Variants in ZNF850 observed in about 807,000 individuals in gnomAD.
ZNF850 encodes the protein putative zinc finger protein ENSP00000330994.
In ZNF850, 2 loss-of-function variants were observed where a neutral mutation model predicts 11.9. The observed-to-expected ratio is 0.17, with a 90% CI of 0.07 to 0.53. ZNF850 has a LOEUF of 0.53. ZNF850 is among the 20% of genes least tolerant of loss of function. The pLI, the probability that ZNF850 is intolerant of heterozygous loss-of-function variation, is 0.94. For missense variants in ZNF850, 1,014 were observed against 1,316.4 expected (o/e 0.77, Z 3.55); for synonymous variants, 381 against 443.0 (o/e 0.86, Z 1.76).
chr19:36,769,853 A>G (rs1275461143), intron 1 of ZNF850, among the ~76,000 whole-genome samples: 1 of 152,166 alleles, frequency 6.6e-6, no homozygotes, highest in Non-Finnish European at 1.5e-5. Flanking sequence ...TTCTGACACT[A>G]TCTACCATGA....
In ZNF850 at chr19:36,747,895, C is replaced by A; in HGVS notation, c.3145G>T (p.Ala1049Ser). 6.4e-7 allele frequency: 1 copy of A among 1,568,290 alleles called. No individual in the cohort carries two copies. The highest frequency in any genetic ancestry group is 8.6e-7 in the Non-Finnish European group (1 of 1,161,872). ...CTCTGATGTCGGCTGAGTCCTGAGG[C>A]ATAGAAAAAGGCTTTCCCACATTCC... ...CPECGKAFFY[A>S]SGLSRHQSVH... Residue 1049 changes from alanine (A) to serine (S), a missense_variant, in exon 5 of 5, where the codon GCC becomes TCC. Ala to Ser is a moderately conservative substitution (Grantham distance 99). Around this residue, in one of 2 missense-constraint regions of ZNF850, gnomAD observed 179 missense variants for 294.4 expected, o/e 0.61. Coordinates refer to ENST00000591344, the MANE Select transcript of ZNF850 (RefSeq NM_001193552.2).
Position 36,765,014 on chromosome 19 carries a change from A to G in ZNF850, c.-69-2339T>C, listed in dbSNP as rs545788326. Among the ~76,000 whole-genome samples the G allele has an allele frequency of 3.3e-5, 5 of 152,112 alleles. No homozygotes were observed. In the East Asian group the frequency reaches 9.7e-4, roughly 29 times the overall value. On this transcript the variant is annotated intron_variant, in intron 1 of 4. Transcript: ENST00000591344. The stretch of plus-strand genomic sequence containing the variant: ...TCTGATTTTCTAACTTGCCCCCTGT[A>G]TTAGGGTCATACTAGGAAAAAAACA...
At position 36,747,861 on chromosome 19, in the gene ZNF850, G is replaced by A. The variant is rs1253785411; in HGVS notation, c.3179C>T (p.Thr1060Ile). 2 of 1,582,488 alleles carry A rather than the reference G, an allele frequency of 1.3e-6. No individual in the cohort carries two copies. The highest frequency in any genetic ancestry group is 1.8e-5 in the Admixed American group (1 of 55,424). Residue 1060 changes from threonine to isoleucine, a missense_variant, in exon 5 of 5, where the codon ACT becomes ATT. By Grantham distance (89) the Thr-to-Ile change is moderately conservative. Around this residue, in one of 2 missense-constraint regions of ZNF850, gnomAD observed 179 missense variants for 294.4 expected, o/e 0.61. Transcript: ENST00000591344. ...CTTACATTCATAGGGTTTCTCGCCA[G>A]TGTGAACACTCTGATGTCGGCTGAG... ...SGLSRHQSVHTGEKPYECKTC... is the reference protein window; with the variant it reads ...SGLSRHQSVHIGEKPYECKTC...
Position 36,748,897 on chromosome 19 carries a change from C to T in ZNF850, c.2143G>A (p.Gly715Arg). Residue 715 changes from glycine (G) to arginine (R), a missense_variant, in exon 5 of 5, where the codon GGA (glycine) becomes AGA (arginine). Coordinates refer to ENST00000591344, the MANE Select transcript of ZNF850 (RefSeq NM_001193552.2). Reference sequence around the variant, plus strand: ...TGATTTTGCTGATGTTGAATTAGTCCTGAGCAGAAAGTAAAAGATTTCCCA... The same window carrying T: ...TGATTTTGCTGATGTTGAATTAGTCTTGAGCAGAAAGTAAAAGATTTCCCA... ...ECGKSFTFCS[G>R]LIQHQQNHTD... is the part of the protein sequence containing the mutation. 1 of 1,556,458 alleles carries T rather than the reference C, an allele frequency of 6.4e-7. No individual in the cohort carries two copies. Among genetic ancestry groups the T allele is most frequent in the Non-Finnish European group, 8.7e-7 (1 of 1,153,818 alleles).
At chr19:36,752,050 G>A (rs1453163221) in intron 4 of ZNF850, among the ~76,000 whole-genome samples, 1 of 152,014 alleles carries the variant, frequency 6.6e-6, no homozygotes, top group Non-Finnish European at 1.5e-5. Flanking sequence ...AGACACAAAT[G>A]GGGTATCAGT....
At chr19:36,753,470 G>A (rs909742451) in intron 4 of ZNF850, among the ~76,000 whole-genome samples, 2 of 134,548 alleles carry the variant, frequency 1.5e-5, no homozygotes, top group African/African-American at 5.5e-5. Context: ...GCACATGCCT[G>A]TAGCCTCAGG....
chr19:36,750,230 T>A lies in ZNF850; in HGVS notation c.810A>T (p.Gln270His). 6.5e-7 allele frequency: 1 copy of A among 1,538,538 alleles called. No individual in the cohort carries two copies. ...TGTCACCAGTATGAATTCTCCAATGTTGAATAAGATGTGCAGACGGTCTAA... is the reference window on the plus strand; with the variant it reads ...TGTCACCAGTATGAATTCTCCAATGATGAATAAGATGTGCAGACGGTCTAA... ...KAFRPSAHLI[Q>H]HWRIHTGDKP... The change falls in exon 5 of 5, where the codon CAA becomes CAT. Residue 270 changes from glutamine (Q) to histidine (H), a missense_variant. By Grantham distance (24) the Gln-to-His change is conservative (BLOSUM62 0). Coordinates refer to ENST00000591344, the MANE Select transcript of ZNF850 (RefSeq NM_001193552.2).
intron 1 of ZNF850, among the ~76,000 whole-genome samples, chr19:36,768,143 C>CATCT (rs1409396393): frequency 6.6e-6 from 1 of 151,348 alleles, no homozygotes; most frequent in Non-Finnish European, 1.5e-5. Context: ...TGGTGGTGTA[C>CATCT]ATCTGTGAAC....
At position 36,748,421 on chromosome 19, in the gene ZNF850, T is replaced by A; in HGVS notation, c.2619A>T (p.Glu873Asp). ...AGCGAAAAGCAAAAGATTTTCCACA[T>A]TCCTTACAATGATAGGGTTTCTCAC... is the stretch of plus-strand genomic sequence containing the variant. ...HTGEKPYHCK[E>D]CGKSFAFRSA... The change falls in exon 5 of 5, where the codon GAA (glutamate) becomes GAT (aspartate). Residue 873 changes from glutamate (E) to aspartate (D), a missense_variant. By Grantham distance (45) the Glu-to-Asp change is conservative. Around this residue, in one of 2 missense-constraint regions of ZNF850, gnomAD observed 179 missense variants for 294.4 expected, o/e 0.61. Coordinates refer to ENST00000591344, the MANE Select transcript of ZNF850 (RefSeq NM_001193552.2). The A allele has an allele frequency of 6.4e-7, 1 of 1,562,664 alleles. No individual in the cohort carries two copies. Among genetic ancestry groups the A allele is most frequent in the Non-Finnish European group, 8.6e-7 (1 of 1,158,840 alleles).
intron 4 of ZNF850, among the ~76,000 whole-genome samples, chr19:36,751,698 CAAAAAAAAAAAAAAA>C (rs398038336): frequency 1.9e-4 from 3 of 15,762 alleles, no homozygotes; most frequent in Non-Finnish European, 2.2e-4. Context: ...GACTCCATCT[CAAAAAAAAAAAAAAA>C]AAAAAAAAAA....
rs376608703 is a variant in ZNF850, at chr19:36,771,934, T to C, written c.-70+791A>G. ...AGACCCCTCCTGCCCAGGCCTGTAA[T>C]TACCCCAGCCTGGAAGCGGCAGTGG... On this transcript the variant is annotated intron_variant, in intron 1 of 4. Coordinates refer to ENST00000591344, the MANE Select transcript of ZNF850 (RefSeq NM_001193552.2). Among the ~76,000 whole-genome samples, 333 of 152,270 alleles carry C rather than the reference T, an allele frequency of 2.2e-3. 2 individuals are homozygous for C. Among genetic ancestry groups the C allele is most frequent in the African/African-American group, 7.8e-3 (325 of 41,560 alleles).
In ZNF850 at chr19:36,749,846, A is replaced by C; in HGVS notation, c.1194T>G (p.Cys398Trp). Residue 398 changes from cysteine (C) to tryptophan (W), a missense_variant, in exon 5 of 5, where the codon TGT becomes TGG. This residue lies in a region of ZNF850 where 835 missense variants were observed against 1,022.0 expected (regional missense o/e 0.82). Transcript: ENST00000591344. ...TGEKPYDCKE[C>W]GKSFTFRSGL... ...CTGAGCGAAAAGTAAAAGATTTCCC[A>C]CATTCCTTACAATCATAGGGTTTCT... 1 of 1,576,028 alleles carries C rather than the reference A, an allele frequency of 6.3e-7. No individual in the cohort carries two copies. The highest frequency in any genetic ancestry group is 8.6e-7 in the Non-Finnish European group (1 of 1,163,406).
chr19:36,753,056 G>T (rs1300220925), intron 4 of ZNF850, among the ~76,000 whole-genome samples: 1 of 151,952 alleles, frequency 6.6e-6, no homozygotes, highest in Non-Finnish European at 1.5e-5. Flanking sequence ...GATCACCTGA[G>T]GTCAGGAATT....
chr19:36,749,825 G>T lies in ZNF850; in HGVS notation c.1215C>A (p.Arg405=). The change falls in exon 5 of 5, where the codon CGC becomes CGA. Residue 405 remains arginine (R), a synonymous_variant. Transcript: ENST00000591344. ...TTGCCTGGTGTCCAATTAACCCTGA[G>T]CGAAAAGTAAAAGATTTCCCACATT... ...CKECGKSFTF[R]SGLIGHQAIH... is the part of the protein sequence containing the mutation. 6.4e-7 allele frequency: 1 copy of T among 1,565,990 alleles called. No individual in the cohort carries two copies. The highest frequency in any genetic ancestry group is 8.6e-7 in the Non-Finnish European group (1 of 1,158,544).
chr19:36,754,892 G>C (rs1454765973), intron 4 of ZNF850, among the ~76,000 whole-genome samples: 3 of 152,054 alleles, frequency 2.0e-5, no homozygotes, highest in African/African-American at 7.2e-5. Context: ...TTTAATAACT[G>C]AGAGGTCAAG....
At chr19:36,753,870 A>G (rs2145959136) in intron 4 of ZNF850, among the ~76,000 whole-genome samples, 1 of 152,286 alleles carries the variant, frequency 6.6e-6, no homozygotes, top group Non-Finnish European at 1.5e-5. Context: ...TCAAGAGTCC[A>G]TGCTTTCAAC....
At chr19:36,771,916 T>TC in intron 1 of ZNF850, among the ~76,000 whole-genome samples, 1 of 152,248 alleles carries the variant, frequency 6.6e-6, no homozygotes, top group Admixed American at 6.5e-5. Flanking sequence ...CCCAGACCCC[T>TC]CCTGCCCAGG....
intron 4 of ZNF850, among the ~76,000 whole-genome samples, chr19:36,755,091 G>T (rs1419732014): frequency 6.6e-6 from 1 of 152,100 alleles, no homozygotes; most frequent in African/African-American, 2.4e-5. Context: ...CCAGAAACTG[G>T]TCTCATACTG....
chr19:36,760,472 T>C (rs2040511261), intron 4 of ZNF850, among the ~76,000 whole-genome samples: 1 of 151,196 alleles, frequency 6.6e-6, no homozygotes, highest in African/African-American at 2.4e-5. Flanking sequence ...ATAAACCCTT[T>C]ATTAGACTGT....
Sources: gnomAD v4.1 joint callset for allele counts (sites outside exome capture counted in the v4.1 genomes callset) on GRCh38, gnomAD v4.1.1 for gene constraint, gnomAD v4.1.1 regional missense constraint, MANE v1.5 for transcripts, NCBI Gene and HGNC (gene_info 2026-07-23, HGNC 2026-07-21) for gene names.